ZC3H18: variants seen among roughly 807,000 people sequenced by gnomAD.
ZC3H18 encodes the protein zinc finger CCCH-type containing 18, also known as zinc finger CCCH domain-containing protein 18.
ZC3H18 carries 8 observed loss-of-function variants against 106.1 expected under a neutral mutation model. The observed-to-expected ratio is 0.08, with a 90% confidence interval of 0.04 to 0.14. The LOEUF (loss-of-function observed/expected upper bound fraction) is 0.14. Among genes scored for constraint, ZC3H18 ranks in the 10% least tolerant of loss-of-function variants. The pLI is 1.00. For synonymous variants in ZC3H18, 635 were observed against 522.1 expected (o/e 1.22, Z -2.95); for missense variants, 1,318 against 1,278.4 (o/e 1.03, Z -0.47).
chr16:88,587,713 C>T (rs1915518094), intron 3 of ZC3H18: 1 of 1,224,976 alleles, frequency 8.2e-7, no homozygotes, highest in South Asian at 1.3e-5. Flanking sequence ...GCTGTGAAGC[C>T]AGAAGGAAAG....
rs1213562395 is a variant in ZC3H18 at position 88,592,170 on chromosome 16, C to T, written c.688+5486C>T. ...TGGGGGCTTCCAGTTTCTCCACGTC[C>T]TCACCATTACTCTGTTCTCTGTTTT... On this transcript the variant is annotated intron_variant, in intron 3 of 17. Coordinates refer to ENST00000301011, the MANE Select transcript of ZC3H18 (RefSeq NM_144604.4). Among the ~76,000 whole-genome samples, 5 of 152,346 alleles carry T rather than the reference C, an allele frequency of 3.3e-5. No homozygotes were observed. In the East Asian group the frequency reaches 9.6e-4, roughly 29 times the overall value.
chr16:88,580,774 C>G (rs983778227), intron 2 of ZC3H18, among the ~76,000 whole-genome samples: 8 of 152,182 alleles, frequency 5.3e-5, no homozygotes, highest in Non-Finnish European at 1.2e-4. Flanking sequence ...CGCCCGGTCC[C>G]CTTTCCTTTC....
rs558309375 is a variant in ZC3H18 at position 88,595,582 on chromosome 16, G to A, written c.689-2596G>A. Among the ~76,000 whole-genome samples, 301 of 151,054 alleles carry A rather than the reference G, an allele frequency of 2.0e-3. 2 individuals are homozygous for A. The highest frequency in any genetic ancestry group is 7.1e-3 in the African/African-American group (290 of 41,102). ...AGCTCTTTGGGAGGCCGAGGTGGGC[G>A]GATCACCTGACTTCAGGAGTTTGAG... On this transcript the variant is annotated intron_variant, in intron 3 of 17. Coordinates refer to ENST00000301011, the MANE Select transcript of ZC3H18 (RefSeq NM_144604.4).
intron 3 of ZC3H18, among the ~76,000 whole-genome samples, chr16:88,594,384 T>G (rs552262713): frequency 6.6e-6 from 1 of 152,294 alleles, no homozygotes; most frequent in East Asian, 1.9e-4. Context: ...ACACAGGGAA[T>G]TGATATTTAC....
chr16:88,576,374 G>A (rs1413673684), intron 1 of ZC3H18, among the ~76,000 whole-genome samples: 1 of 152,164 alleles, frequency 6.6e-6, no homozygotes, highest in East Asian at 1.9e-4. Flanking sequence ...CGGTACTTAA[G>A]TGTGTCAAGT....
intron 1 of ZC3H18, among the ~76,000 whole-genome samples, chr16:88,572,338 C>G (rs777157812): frequency 5.3e-4 from 81 of 152,224 alleles, no homozygotes; most frequent in Non-Finnish European, 9.8e-4. Context: ...GAGTCTCACT[C>G]TGTTGCCCAG....
intron 1 of ZC3H18, among the ~76,000 whole-genome samples, chr16:88,574,848 G>GAA (rs1914643064): frequency 1.1e-5 from 1 of 89,768 alleles, no homozygotes. Flanking sequence ...TTTTTTTTTT[G>GAA]AGACGGAGTC....
chr16:88,609,226 C>T (rs1276038653), intron 7 of ZC3H18, 175 bp downstream of exon 7: 2 of 428,124 alleles, frequency 4.7e-6, no homozygotes, highest in Admixed American at 4.0e-5. Context: ...GCAGCGATTA[C>T]ATTAATGGTC....
chr16:88,611,374 GGGAGCGCGAGCGCGACAA>G lies in ZC3H18; in HGVS notation c.1320_1337del (p.Glu441_Arg446del). On this transcript the variant is annotated inframe_deletion, in exon 8 of 18. Coordinates refer to ENST00000301011, the MANE Select transcript of ZC3H18 (RefSeq NM_144604.4). Reference sequence around the variant, plus strand: ...CGGCAGAGGGAGCGCGAGCGAGAGCGGGAGCGCGAGCGCGACAAGGAGCGGCAGCGGAGGAAGGAGGAG... The same window carrying G: ...CGGCAGAGGGAGCGCGAGCGAGAGCGGGAGCGGCAGCGGAGGAAGGAGGAG... 9.7e-7 allele frequency: 1 copy of G among 1,028,376 alleles called. No homozygotes were observed. Among genetic ancestry groups the G allele is most frequent in the Non-Finnish European group, 1.5e-6 (1 of 669,308 alleles). 63.7% of individuals were successfully genotyped at this position (1,028,376 alleles called of 1,614,324 possible). A position where few individuals can be genotyped will look rare whatever the true frequency, so the allele number is the denominator to read the frequency against.
rs376329482 is a variant in ZC3H18 at position 88,625,193 on chromosome 16, G to C, written c.2043-9G>C. 1.3e-6 allele frequency: 2 copies of C among 1,579,738 alleles called. No homozygotes were observed. Among genetic ancestry groups the C allele is most frequent in the African/African-American group, 2.7e-5 (2 of 74,208 alleles). ...CGCCCCCTGAGCCCCGCTGTTGCTT[G>C]TATTACAGGCGGACGCTAAGCGGCA... On this transcript the variant is annotated splice_polypyrimidine_tract_variant and intron_variant, in intron 12 of 17. Transcript: ENST00000301011.
At chr16:88,623,086 C>T (rs1597357725) in intron 9 of ZC3H18, 133 bp from the exon 10 acceptor site, 9 of 1,311,564 alleles carry the variant, frequency 6.9e-6, no homozygotes, top group African/African-American at 1.5e-5. Context: ...TGCAGCTGTG[C>T]GCGCGTGCGC....
chr16:88,575,068 A>G (rs1914661454), intron 1 of ZC3H18, among the ~76,000 whole-genome samples: 1 of 151,276 alleles, frequency 6.6e-6, no homozygotes. Context: ...TGACCTCGTG[A>G]TCCACCCGCC....
intron 1 of ZC3H18, among the ~76,000 whole-genome samples, chr16:88,573,657 C>A (rs1464063645): frequency 6.6e-6 from 1 of 151,908 alleles, no homozygotes; most frequent in Non-Finnish European, 1.5e-5. Flanking sequence ...AGTGATTCTC[C>A]CACCTCAACC....
At chr16:88,598,092 G>GCCCCCCCCCCCCCCCCCCCCCCCCCCCC in intron 3 of ZC3H18, 86 bp from the exon 4 acceptor site, 2 of 349,612 alleles carry the variant, frequency 5.7e-6, no homozygotes, top group South Asian at 2.1e-5. Context: ...CATGGCCTCT[G>GCCCCCCCCCCCCCCCCCCCCCCCCCCCC]CCCCCTCCCA....
chr16:88,607,943 C>G (rs1905089567), intron 6 of ZC3H18, among the ~76,000 whole-genome samples: 1 of 152,180 alleles, frequency 6.6e-6, no homozygotes, highest in African/African-American at 2.4e-5. Flanking sequence ...TTCCTAAGTA[C>G]TTTTTTCTTC....
At chr16:88,622,424 A>G (rs3751675) in intron 9 of ZC3H18, 36 bp downstream of exon 9, 736,798 of 1,551,590 alleles carry the variant, frequency 0.47, 177,760 homozygotes, top group South Asian at 0.64. Flanking sequence ...GGGTGTCAGC[A>G]CCTTGGAGCC....
chr16:88,611,625 G>A, intron 8 of ZC3H18, 89 bp downstream of exon 8: 2 of 1,480,578 alleles, frequency 1.4e-6, no homozygotes, highest in Non-Finnish European at 1.8e-6. Flanking sequence ...CTTCCCCTCT[G>A]TGGCCCACAG....
chr16:88,611,097 C>A (rs1905247412), intron 7 of ZC3H18, among the ~76,000 whole-genome samples, 171 bp from the exon 8 acceptor site: 1 of 152,200 alleles, frequency 6.6e-6, no homozygotes, highest in South Asian at 2.1e-4. Context: ...TACTCCACCG[C>A]AGAGAGTTCA....
intron 8 of ZC3H18, among the ~76,000 whole-genome samples, chr16:88,614,392 G>A (rs1055102984): frequency 3.3e-5 from 5 of 152,168 alleles, no homozygotes; most frequent in African/African-American, 7.2e-5. Flanking sequence ...GACGACACCC[G>A]CTCTTGTGTA....
Sources: allele counts gnomAD v4.1 joint callset (sites outside exome capture counted in the v4.1 genomes callset), GRCh38; gene constraint gnomAD v4.1.1; transcripts MANE v1.5; gene names NCBI Gene and HGNC (gene_info 2026-07-23, HGNC 2026-07-21).